The following ROBO2 variants were observed in gnomAD, a reference collection of about 807,000 sequenced individuals.
ROBO2 encodes roundabout guidance receptor 2, also known as roundabout homolog 2.
In ROBO2, 53 loss-of-function variants were observed where a neutral mutation model predicts 160.8. The observed-to-expected ratio is 0.33, with a 90% CI of 0.26 to 0.41. The LOEUF (loss-of-function observed/expected upper bound fraction) is 0.41. Among genes scored for constraint, ROBO2 ranks in the 10% least tolerant of loss-of-function variants. ROBO2 has a pLI of 1.00. For synonymous variants in ROBO2, 664 were observed against 611.7 expected, an observed-to-expected ratio of 1.09 and a Z score of -1.26; for missense variants, 1,577 against 1,722.4, an observed-to-expected ratio of 0.92 and a Z score of 1.49.
At chr3:76,541,145 G>A (rs939821102) in intron 2 of ROBO2, among the ~76,000 whole-genome samples, 10 of 152,138 alleles carry the variant, frequency 6.6e-5, no homozygotes, top group South Asian at 2.1e-4. Flanking sequence ...TCAATTAAAC[G>A]TTAGTCCTCC....
intron 2 of ROBO2, among the ~76,000 whole-genome samples, chr3:76,958,653 T>C (rs181888610): frequency 7.3e-4 from 111 of 152,342 alleles, no homozygotes; most frequent in Admixed American, 1.2e-3. Context: ...CTCTCTGGCT[T>C]ATGCAGTGAG....
intron 2 of ROBO2, among the ~76,000 whole-genome samples, chr3:77,417,865 A>G (rs1374035010): frequency 6.6e-6 from 1 of 152,102 alleles, no homozygotes; most frequent in Non-Finnish European, 1.5e-5. Flanking sequence ...TAAATTTAAT[A>G]TATAATTATG....
intron 2 of ROBO2, among the ~76,000 whole-genome samples, chr3:76,310,250 A>G (rs1264548286): frequency 1.3e-5 from 2 of 152,258 alleles, no homozygotes; most frequent in African/African-American, 2.4e-5. Context: ...CGCAAAAGAC[A>G]GAAAGGCTTG....
chr3:76,911,329 T>C (rs1162306179), intron 2 of ROBO2, among the ~76,000 whole-genome samples: 1 of 152,200 alleles, frequency 6.6e-6, no homozygotes, highest in Non-Finnish European at 1.5e-5. Context: ...AATGCTACTT[T>C]GTATTTGCAA....
intron 2 of ROBO2, among the ~76,000 whole-genome samples, chr3:76,294,479 A>G (rs1708968612): frequency 6.6e-6 from 1 of 152,074 alleles, no homozygotes; most frequent in Non-Finnish European, 1.5e-5. Flanking sequence ...ATTGGCCCCA[A>G]ATATCCATTG....
intron 2 of ROBO2, among the ~76,000 whole-genome samples, chr3:77,215,437 C>T (rs916987690): frequency 6.6e-6 from 1 of 152,162 alleles, no homozygotes; most frequent in Non-Finnish European, 1.5e-5. Context: ...CCATCAGGTC[C>T]TTTAAGGACT....
intron 2 of ROBO2, among the ~76,000 whole-genome samples, chr3:76,948,719 T>C (rs1313790885): frequency 2.1e-5 from 3 of 145,726 alleles, no homozygotes; most frequent in Non-Finnish European, 3.0e-5. Context: ...TTAATTTTTT[T>C]TTTTTGAGAT....
intron 2 of ROBO2, among the ~76,000 whole-genome samples, chr3:77,294,143 A>G (rs1196325242): frequency 1.4e-5 from 2 of 144,634 alleles, no homozygotes; most frequent in Non-Finnish European, 3.0e-5. Context: ...ATAAAGTAAA[A>G]TTGATGGTTA....
chr3:77,543,209 A>C (rs535993929), intron 6 of ROBO2, among the ~76,000 whole-genome samples: 3 of 151,936 alleles, frequency 2.0e-5, no homozygotes, highest in African/African-American at 7.2e-5. Context: ...TTTCTCCCCC[A>C]GTGCCATCTG....
chr3:77,562,539 A>G, intron 9 of ROBO2, 112 bp from the exon 11 acceptor site: 1 of 734,190 alleles, frequency 1.4e-6, no homozygotes, highest in Non-Finnish European at 2.4e-6. Context: ...TAATTTAGAC[A>G]ACAAAATGAT....
chr3:76,630,516 A>G (rs1160541402), intron 2 of ROBO2, among the ~76,000 whole-genome samples: 1 of 149,302 alleles, frequency 6.7e-6, no homozygotes, highest in Admixed American at 6.6e-5. Flanking sequence ...TGCTGCAGGA[A>G]CTTAACTCCT....
chr3:76,645,525 A>G (rs1284692458), intron 2 of ROBO2, among the ~76,000 whole-genome samples: 5 of 152,170 alleles, frequency 3.3e-5, no homozygotes, highest in African/African-American at 1.2e-4. Context: ...TTTCCAGTCT[A>G]TATGAATGTA....
At chr3:76,527,506 G>C (rs2082009680) in intron 2 of ROBO2, among the ~76,000 whole-genome samples, 1 of 152,012 alleles carries the variant, frequency 6.6e-6, no homozygotes, top group South Asian at 2.1e-4. Context: ...TCAATCTGCT[G>C]CTCCTCAGTG....
chr3:76,284,834 C>A (rs762679007), intron 2 of ROBO2, among the ~76,000 whole-genome samples: 2 of 152,066 alleles, frequency 1.3e-5, no homozygotes, highest in Admixed American at 6.6e-5. Flanking sequence ...CCACCTGCTG[C>A]GATGGTGTTG....
chr3:76,079,478 A>G (rs75331957), intron 2 of ROBO2, among the ~76,000 whole-genome samples: 22,657 of 134,182 alleles, frequency 0.17, 1,895 homozygotes, highest in African/African-American at 0.21. Context: ...TATTATTATT[A>G]TTAGTTTTTT....
chr3:76,447,898 G>T (rs1473361090), intron 2 of ROBO2, among the ~76,000 whole-genome samples: 5 of 122,128 alleles, frequency 4.1e-5, no homozygotes, highest in South Asian at 3.4e-4. Flanking sequence ...GTTGTGGGGT[G>T]GGGGGAGGGG....
intron 2 of ROBO2, among the ~76,000 whole-genome samples, chr3:76,216,303 C>T (rs963821370): frequency 2.6e-5 from 4 of 152,142 alleles, no homozygotes; most frequent in Admixed American, 1.3e-4. Context: ...AAAATTCACA[C>T]ATAACAATAC....
chr3:76,250,392 G>A (rs543257221), intron 2 of ROBO2, among the ~76,000 whole-genome samples: 2 of 152,048 alleles, frequency 1.3e-5, no homozygotes, highest in East Asian at 1.9e-4. Flanking sequence ...CTGTATCAAC[G>A]ACATTCCTTT....
At chr3:77,628,058 C>T (rs900585295) in intron 23 of ROBO2, among the ~76,000 whole-genome samples, 2 of 152,080 alleles carry the variant, frequency 1.3e-5, no homozygotes, top group African/African-American at 4.8e-5. Flanking sequence ...ACTTAATGTC[C>T]TATGTGCAGT....
Sources: gnomAD v4.1 joint callset for allele counts (sites outside exome capture counted in the v4.1 genomes callset) on GRCh38, gnomAD v4.1.1 for gene constraint, MANE v1.5 for transcripts, NCBI Gene and HGNC (gene_info 2026-07-23, HGNC 2026-07-21) for gene names.